The following GIT2 variants were observed in gnomAD, a reference collection of about 807,000 sequenced individuals.
GIT2 encodes the protein ARF GTPase-activating protein GIT2.
Under a neutral mutation model 100.3 loss-of-function variants are expected in GIT2, and 32 were observed. That is an observed-to-expected ratio of 0.32 (90% CI 0.24 to 0.43). The LOEUF is 0.43. Among genes scored for constraint, GIT2 ranks in the 20% least tolerant of loss-of-function variants. GIT2 has a pLI of 1.00. For missense variants in GIT2, 737 were observed against 975.1 expected (o/e 0.76, Z 3.25); for synonymous variants, 353 against 364.1 (o/e 0.97, Z 0.35).
intron 7 of GIT2, among the ~76,000 whole-genome samples, chr12:109,979,272 CTTTT>C (rs11338613): frequency 4.7e-5 from 4 of 85,802 alleles, no homozygotes; most frequent in Admixed American, 1.5e-4. Context: ...CAGAAAAAGG[CTTTT>C]TTTTTTTTTT....
intron 11 of GIT2, among the ~76,000 whole-genome samples, 175 bp downstream of exon 11, chr12:109,961,103 C>T (rs1747569666): frequency 6.6e-6 from 1 of 152,094 alleles, no homozygotes; most frequent in Non-Finnish European, 1.5e-5. Flanking sequence ...CTTTCCCAGT[C>T]ATTTATTTAT....
chr12:109,953,003 C>A (rs1230731968), intron 13 of GIT2, 89 bp downstream of exon 13: 10 of 1,358,388 alleles, frequency 7.4e-6, no homozygotes, highest in Admixed American at 4.1e-5. Flanking sequence ...GAGCTAGTAA[C>A]AAACCCAACC....
intron 9 of GIT2, among the ~76,000 whole-genome samples, chr12:109,963,308 T>C (rs1397256651): frequency 1.3e-5 from 2 of 152,210 alleles, no homozygotes; most frequent in African/African-American, 4.8e-5. Flanking sequence ...CTAGACAAGA[T>C]GTTGAAGGAT....
intron 7 of GIT2, among the ~76,000 whole-genome samples, chr12:109,974,177 G>A (rs915057487): frequency 6.6e-6 from 1 of 152,154 alleles, no homozygotes; most frequent in Admixed American, 6.5e-5. Flanking sequence ...TTTTCATTCA[G>A]TGGAAAATAT....
At chr12:109,952,698 T>C (rs758534180) in intron 13 of GIT2, 93 of 498,116 alleles carry the variant, frequency 1.9e-4, no homozygotes, top group Non-Finnish European at 3.2e-4. Flanking sequence ...CAGCCATAGA[T>C]TCTCTCTCTG....
rs370225617 is a variant in GIT2 at position 109,961,227 on chromosome 12, T to G, written c.987+51A>C. The G allele has an allele frequency of 1.7e-5, 17 of 986,770 alleles. No individual in the cohort carries two copies. The South Asian group carries it at 2.2e-4, about 13-fold the overall frequency. 61.1% of individuals were successfully genotyped at this position (986,770 alleles called of 1,614,324 possible). A position where few individuals can be genotyped will look rare whatever the true frequency, so the allele number is the denominator to read the frequency against. ...TAGTTTTCCTGGGAAAAATGAAACA[T>G]GACATCAGCCATTCCCCAACTACTA... On this transcript the variant is annotated intron_variant, in intron 11 of 19. Transcript: ENST00000355312.
At chr12:109,991,867 T>C (rs1021983075) in intron 1 of GIT2, 107 bp from the exon 2 acceptor site, 2 of 949,712 alleles carry the variant, frequency 2.1e-6, no homozygotes, top group Non-Finnish European at 3.3e-6. Context: ...GAGACATTTT[T>C]GTTTCAGTAT....
chr12:109,934,374 C>T lies in GIT2; in HGVS notation c.2004-289G>A, dbSNP rs984344277. ...CAGAAACATAATTCACCCCTCCTCA[C>T]GTCAGTCATTTACTTCTCATGTGTT... On this transcript the variant is annotated intron_variant, in intron 18 of 19. Transcript: ENST00000355312. This position sits in a 1 kb window ranked among gnomAD's most constrained non-coding sequence, Gnocchi z 4.5. Among the ~76,000 whole-genome samples, 1 of 152,210 alleles carries T rather than the reference C, an allele frequency of 6.6e-6. No homozygotes were observed. Among genetic ancestry groups the T allele is most frequent in the Non-Finnish European group, 1.5e-5 (1 of 68,032 alleles).
In GIT2 at chr12:109,934,625, C is replaced by T. The variant is rs994105414; in HGVS notation, c.2004-540G>A. 2.0e-5 allele frequency among the ~76,000 whole-genome samples: 3 copies of T among 152,222 alleles called. No homozygotes were observed. Among genetic ancestry groups the T allele is most frequent in the African/African-American group, 7.2e-5 (3 of 41,450 alleles). ...TGAACTCCTGGATTCAAGTGAATCT[C>T]TTGCCTCAGCCTCCAAAGTGCTGGG... On this transcript the variant is annotated intron_variant, in intron 18 of 19. Coordinates refer to ENST00000355312, the MANE Select transcript of GIT2 (RefSeq NM_057169.5). This position sits in a 1 kb window ranked among gnomAD's most constrained non-coding sequence, Gnocchi z 4.5.
intron 7 of GIT2, among the ~76,000 whole-genome samples, chr12:109,974,867 C>A (rs1884699900): frequency 2.0e-5 from 3 of 151,960 alleles, no homozygotes; most frequent in African/African-American, 7.3e-5. Flanking sequence ...AGTGTAGAGT[C>A]TCCAACAATA....
In GIT2 at chr12:109,939,171, C is replaced by T; in HGVS notation, c.1808G>A (p.Gly603Asp). The T allele has an allele frequency of 6.2e-7, 1 of 1,602,152 alleles. No individual in the cohort carries two copies. Among genetic ancestry groups the T allele is most frequent in the Non-Finnish European group, 8.6e-7 (1 of 1,169,292 alleles). Residue 603 changes from glycine (G) to aspartate (D), a missense_variant, in exon 17 of 20, where the codon GGC (glycine) becomes GAC (aspartate). Physicochemically the swap from Gly to Asp is moderately conservative, Grantham distance 94. This residue lies in a region of GIT2 where 451 missense variants were observed against 543.7 expected (regional missense o/e 0.83). Coordinates refer to ENST00000355312, the MANE Select transcript of GIT2 (RefSeq NM_057169.5). ...GCTCGTCCTGTGCATGTACCCCATGCCATCTGGCTCCATGTCGTTGGGAGT... is the reference window on the plus strand; with the variant it reads ...GCTCGTCCTGTGCATGTACCCCATGTCATCTGGCTCCATGTCGTTGGGAGT... Reference protein sequence around the residue: ...DNTPNDMEPDGMGSSRKGRQR... With the variant: ...DNTPNDMEPDDMGSSRKGRQR...
intron 7 of GIT2, 60 bp downstream of exon 7, chr12:109,980,892 C>T: frequency 9.9e-7 from 1 of 1,009,608 alleles, no homozygotes. Flanking sequence ...AGTGTCCCAA[C>T]TTGTTTTTCT....
intron 10 of GIT2, 110 bp from the exon 11 acceptor site, chr12:109,961,485 C>T (rs1007741034): frequency 6.4e-6 from 6 of 936,668 alleles, no homozygotes; most frequent in Middle Eastern, 2.1e-4. Flanking sequence ...AGCCAACACA[C>T]GCAAAGGCAA....
Position 109,966,764 on chromosome 12 carries a change from G to A in GIT2, c.764+694C>T, listed in dbSNP as rs116057385. On this transcript the variant is annotated intron_variant, in intron 8 of 19. Coordinates refer to ENST00000355312, the MANE Select transcript of GIT2 (RefSeq NM_057169.5). ...ATTTCATAAACTCTTGACAGTTTCC[G>A]TGCAAAGGTAACTTGCAAAACAAGG... 1.1e-3 allele frequency among the ~76,000 whole-genome samples: 160 copies of A among 152,214 alleles called. 1 individual carries two copies. The highest frequency in any genetic ancestry group is 3.7e-3 in the African/African-American group (154 of 41,544).
At chr12:109,935,447 G>A (rs1021035400) in intron 18 of GIT2, among the ~76,000 whole-genome samples, 5 of 152,114 alleles carry the variant, frequency 3.3e-5, no homozygotes, top group African/African-American at 1.2e-4. Flanking sequence ...GTGCAGTGGT[G>A]CAATCTCGGC....
At chr12:109,957,509 A>AT (rs111395877) in intron 12 of GIT2, among the ~76,000 whole-genome samples, 10,507 of 144,124 alleles carry the variant, frequency 0.073, 628 homozygotes, top group African/African-American at 0.16. Flanking sequence ...ATAAGTATGT[A>AT]TTTTTTTTTT....
intron 8 of GIT2, among the ~76,000 whole-genome samples, chr12:109,966,971 T>A (rs1329340896): frequency 6.6e-6 from 1 of 152,228 alleles, no homozygotes; most frequent in Admixed American, 6.5e-5. Context: ...CAAATTTCAG[T>A]GTCCAGAAAT....
intron 13 of GIT2, 30 bp from the exon 14 acceptor site, chr12:109,951,346 T>C (rs747021936): frequency 2.5e-6 from 4 of 1,575,224 alleles, no homozygotes; most frequent in Non-Finnish European, 3.5e-6. Context: ...ACGTTCACAA[T>C]CTGAGATGAC....
intron 8 of GIT2, chr12:109,967,217 C>G: frequency 1.2e-6 from 1 of 801,138 alleles, no homozygotes; most frequent in Non-Finnish European, 2.1e-6. Context: ...TCACAACTGG[C>G]TAAAACAGTG....
Sources: allele counts gnomAD v4.1 joint callset (sites outside exome capture counted in the v4.1 genomes callset), GRCh38; gene constraint gnomAD v4.1.1; regional missense constraint gnomAD v4.1.1; non-coding constraint Gnocchi (gnomAD v3.1); transcripts MANE v1.5; gene names NCBI Gene and HGNC (gene_info 2026-07-23, HGNC 2026-07-21).